Variants in UNC5B observed in about 807,000 individuals in gnomAD.
The protein encoded by UNC5B is unc-5 netrin receptor B.
UNC5B carries 56 observed loss-of-function variants against 103.7 expected under a neutral mutation model. The observed-to-expected ratio is 0.54, with a 90% CI of 0.44 to 0.67. UNC5B has a LOEUF of 0.67. Ranked by LOEUF, UNC5B falls within the 30% of genes least tolerant of loss-of-function variation. The pLI is 0.00. For synonymous variants in UNC5B, 577 were observed against 542.0 expected (o/e 1.06, Z -0.90); for missense variants, 1,194 against 1,284.5 (o/e 0.93, Z 1.08).
rs558564379 is a variant in UNC5B, at chr10:71,230,684, T to C, written c.79+17620T>C. On this transcript the variant is annotated intron_variant, in intron 1 of 16. Coordinates refer to ENST00000335350, the MANE Select transcript of UNC5B (RefSeq NM_170744.5). ...GGACCAGCCTTCCCCATAAGGGAAATTCTAGATCCCACCAAATTCCAAATT... is the reference window on the plus strand; with the variant it reads ...GGACCAGCCTTCCCCATAAGGGAAACTCTAGATCCCACCAAATTCCAAATT... 2.0e-5 allele frequency among the ~76,000 whole-genome samples: 3 copies of C among 152,354 alleles called. No individual in the cohort carries two copies. In the East Asian group the frequency reaches 5.8e-4, roughly 29 times the overall value.
In UNC5B at chr10:71,279,763, G is replaced by T. The variant is rs1844868576; in HGVS notation, c.80-58G>T. 1.9e-6 allele frequency: 3 copies of T among 1,552,290 alleles called. No homozygotes were observed. In the African/African-American group the frequency reaches 4.1e-5, roughly 21 times the overall value. On this transcript the variant is annotated intron_variant, in intron 1 of 16. Coordinates refer to ENST00000335350, the MANE Select transcript of UNC5B (RefSeq NM_170744.5). The stretch of plus-strand genomic sequence containing the variant: ...GCGGTGGGCCCCCGGGGTGGGCGAG[G>T]GGTGCCACAGGGCCCTCCCAGCACA...
At chr10:71,263,671 C>T (rs1281094067) in intron 1 of UNC5B, among the ~76,000 whole-genome samples, 1 of 152,206 alleles carries the variant, frequency 6.6e-6, no homozygotes, top group African/African-American at 2.4e-5. Flanking sequence ...AATTAGCCAC[C>T]TACTAAACCT....
rs80261380 is a variant in UNC5B at position 71,276,004 on chromosome 10, C to T, written c.80-3817C>T. ...AAAGTTTGAGAAGTTGTGCAGTGCC[C>T]GACAGGTGCACACATCCCTGTTCGT... On this transcript the variant is annotated intron_variant, in intron 1 of 16. Transcript: ENST00000335350. Among the ~76,000 whole-genome samples the T allele has an allele frequency of 6.5e-3, 982 of 152,138 alleles. 16 individuals carry two copies. Among genetic ancestry groups the T allele is most frequent in the African/African-American group, 0.022 (931 of 41,498 alleles).
At chr10:71,233,251 A>G (rs1285266718) in intron 1 of UNC5B, among the ~76,000 whole-genome samples, 1 of 152,126 alleles carries the variant, frequency 6.6e-6, no homozygotes, top group East Asian at 1.9e-4. Flanking sequence ...CAGGTTTTCA[A>G]GTGTGTCCTA....
At position 71,231,843 on chromosome 10, in the gene UNC5B, C is replaced by G. The variant is rs560276455; in HGVS notation, c.79+18779C>G. Among the ~76,000 whole-genome samples the G allele has an allele frequency of 2.0e-5, 3 of 152,176 alleles. No individual in the cohort carries two copies. The South Asian group carries it at 6.2e-4, about 32-fold the overall frequency. On this transcript the variant is annotated intron_variant, in intron 1 of 16. Coordinates refer to ENST00000335350, the MANE Select transcript of UNC5B (RefSeq NM_170744.5). Reference sequence around the variant, plus strand: ...GGATCACCTGGCACCTAGGTCCCACCCAGAGATCCTGACTTAATTGGTCTT... The same window carrying G: ...GGATCACCTGGCACCTAGGTCCCACGCAGAGATCCTGACTTAATTGGTCTT...
Position 71,291,002 on chromosome 10 carries a change from T to A in UNC5B, c.1187T>A (p.Val396Glu), listed in dbSNP as rs117156661. The A allele has an allele frequency of 6.2e-7, 1 of 1,602,434 alleles. No individual in the cohort carries two copies. The highest frequency in any genetic ancestry group is 2.2e-5 in the East Asian group (1 of 44,848). Residue 396 changes from valine (V) to glutamate (E), a missense_variant, in exon 9 of 17, where the codon GTG becomes GAG. Coordinates refer to ENST00000335350, the MANE Select transcript of UNC5B (RefSeq NM_170744.5). ...VVVAILMAVG[V>E]VVYRRNCRDF... ...GTGGCAATCCTCATGGCGGTGGGGG[T>A]GGTGGTGTACCGCCGCAACTGCCGT...
chr10:71,213,755 G>GTGTA lies in UNC5B; in HGVS notation c.79+694_79+695insATGT, dbSNP rs1223492422. On this transcript the variant is annotated intron_variant, in intron 1 of 16. Transcript: ENST00000335350. This position sits in a 1 kb window ranked among gnomAD's most constrained non-coding sequence, Gnocchi z 4.1. ...TGTGTGTGTGTGTGTGTGTGTGTGT[G>GTGTA]TGTGTGTTGGATGCGGGTAGGGGTT... is the stretch of plus-strand genomic sequence containing the variant. Among the ~76,000 whole-genome samples the GTGTA allele has an allele frequency of 6.0e-5, 9 of 150,378 alleles. No homozygotes were observed. The highest frequency in any genetic ancestry group is 2.2e-4 in the African/African-American group (9 of 40,900).
chr10:71,288,965 A>C lies in UNC5B; in HGVS notation c.1074A>C (p.Lys358Asn). The C allele has an allele frequency of 6.2e-7, 1 of 1,614,080 alleles. No homozygotes were observed. The highest frequency in any genetic ancestry group is 1.3e-5 in the African/African-American group (1 of 75,012). ...CTTTATTTCCCTTGACAGATAAGAA[A>C]ACTCTAAGCGACCCCAACAGCCACC... is the stretch of plus-strand genomic sequence containing the variant. Reference protein sequence around the residue: ...CTDGLCMQNKKTLSDPNSHLL... With the variant: ...CTDGLCMQNKNTLSDPNSHLL... Residue 358 changes from lysine to asparagine, a missense_variant, in exon 8 of 17, where the codon AAA becomes AAC. Lys to Asn is a moderately conservative substitution (Grantham distance 94). Coordinates refer to ENST00000335350, the MANE Select transcript of UNC5B (RefSeq NM_170744.5).
At chr10:71,262,321 G>C (rs555991375) in intron 1 of UNC5B, among the ~76,000 whole-genome samples, 1 of 152,064 alleles carries the variant, frequency 6.6e-6, no homozygotes, top group Non-Finnish European at 1.5e-5. Flanking sequence ...GAGTGGGTTG[G>C]GGGAGGGAGA....
intron 10 of UNC5B, among the ~76,000 whole-genome samples, chr10:71,292,030 A>T (rs769054848): frequency 2.0e-5 from 3 of 152,336 alleles, no homozygotes; most frequent in Non-Finnish European, 4.4e-5. Flanking sequence ...ACTAGGGCAG[A>T]GGAACCTTGG....
At chr10:71,287,561 G>A (rs560253396) in intron 5 of UNC5B, 37 bp from the exon 6 acceptor site, 2 of 1,561,966 alleles carry the variant, frequency 1.3e-6, no homozygotes, top group South Asian at 2.4e-5. Context: ...GAGGGTTCCA[G>A]AGCCAAGCCA....
chr10:71,218,799 A>T (rs1172112784), intron 1 of UNC5B, among the ~76,000 whole-genome samples: 1 of 152,160 alleles, frequency 6.6e-6, no homozygotes, highest in Non-Finnish European at 1.5e-5. Flanking sequence ...CCCCAAAGGG[A>T]GTGAGTTCTC....
chr10:71,293,650 C>G, intron 12 of UNC5B, 50 bp from the exon 13 acceptor site: 1 of 1,605,888 alleles, frequency 6.2e-7, no homozygotes, highest in Non-Finnish European at 8.5e-7. Context: ...TTTCCTCTGG[C>G]CCAGCCTGAA....
At chr10:71,255,539 G>A (rs1844270801) in intron 1 of UNC5B, among the ~76,000 whole-genome samples, 2 of 152,162 alleles carry the variant, frequency 1.3e-5, no homozygotes, top group African/African-American at 4.8e-5. Flanking sequence ...CCCTAACTTA[G>A]AAACACCCCC....
At chr10:71,293,097 T>A (rs989932347) in intron 11 of UNC5B, among the ~76,000 whole-genome samples, 1 of 152,114 alleles carries the variant, frequency 6.6e-6, no homozygotes, top group Non-Finnish European at 1.5e-5. Context: ...TGGAACCAGC[T>A]CCCTGGAGGG....
intron 1 of UNC5B, among the ~76,000 whole-genome samples, chr10:71,244,785 C>G (rs1040775015): frequency 6.6e-6 from 1 of 152,232 alleles, no homozygotes; most frequent in Non-Finnish European, 1.5e-5. Flanking sequence ...TGTGTGCATG[C>G]ATGCATGCCT....
intron 1 of UNC5B, among the ~76,000 whole-genome samples, chr10:71,224,905 A>G (rs530898383): frequency 7.9e-5 from 12 of 152,310 alleles, no homozygotes; most frequent in Admixed American, 7.8e-4. Flanking sequence ...TATCCTACAG[A>G]CTTCTGAGAT....
intron 11 of UNC5B, among the ~76,000 whole-genome samples, chr10:71,292,878 T>C (rs1045870729): frequency 6.6e-6 from 1 of 152,214 alleles, no homozygotes; most frequent in African/African-American, 2.4e-5. Context: ...ACACACTGTC[T>C]CACACAAACA....
In UNC5B at chr10:71,299,934, G is replaced by T. The variant is rs200975129; in HGVS notation, c.*657G>T. The T allele has an allele frequency of 6.9e-6, 1 of 145,404 alleles. No homozygotes were observed. Among genetic ancestry groups the T allele is most frequent in the African/African-American group, 2.6e-5 (1 of 38,534 alleles). The allele number at this position is 145,404 out of a possible 1,614,324, so 9.0% of individuals were successfully genotyped here. A position where few individuals can be genotyped will look rare whatever the true frequency, so the allele number is the denominator to read the frequency against. ...ATAAGTCCTTTTTAAGAAAAAAAAA[G>T]AAAATGAAAAACAACACAAAAAAAA... On this transcript the variant is annotated 3_prime_UTR_variant, in exon 17 of 17. Coordinates refer to ENST00000335350, the MANE Select transcript of UNC5B (RefSeq NM_170744.5).
Sources: allele counts gnomAD v4.1 joint callset (sites outside exome capture counted in the v4.1 genomes callset), GRCh38; gene constraint gnomAD v4.1.1; non-coding constraint Gnocchi (gnomAD v3.1); transcripts MANE v1.5; gene names NCBI Gene and HGNC (gene_info 2026-07-23, HGNC 2026-07-21).